TXNDC16: variants seen among roughly 807,000 people sequenced by gnomAD.
TXNDC16 encodes the protein thioredoxin domain containing 16.
In TXNDC16, 74 loss-of-function variants were observed where a neutral mutation model predicts 85.6. The ratio of observed to expected loss-of-function variants is 0.86; its 90% CI spans 0.72 to 1.05. The LOEUF (loss-of-function observed/expected upper bound fraction) is 1.05, where lower values mean the gene tolerates loss of function less well. Among genes scored for constraint, TXNDC16 ranks in the 50% least tolerant of loss-of-function variants. TXNDC16 has a pLI of 0.00. For synonymous variants in TXNDC16, 335 were observed against 326.5 expected (o/e 1.03, Z -0.28); for missense variants, 959 against 947.0 (o/e 1.01, Z -0.17).
chr14:52,513,187 C>T (rs117407835), intron 8 of TXNDC16, among the ~76,000 whole-genome samples: 4,670 of 152,218 alleles, frequency 0.031, 112 homozygotes, highest in Non-Finnish European at 0.047. Flanking sequence ...TTCAAACACA[C>T]TCAGATCCAA....
At chr14:52,519,525 C>T (rs1316478876) in intron 6 of TXNDC16, among the ~76,000 whole-genome samples, 3 of 152,178 alleles carry the variant, frequency 2.0e-5, no homozygotes, top group African/African-American at 7.2e-5. Flanking sequence ...TTATGTATTA[C>T]AACGGTCTCA....
chr14:52,538,480 G>C (rs1380075681), intron 4 of TXNDC16, among the ~76,000 whole-genome samples: 1 of 152,192 alleles, frequency 6.6e-6, no homozygotes, highest in Non-Finnish European at 1.5e-5. Context: ...AAGATAAGGA[G>C]AGTTTAAAAG....
At chr14:52,529,039 T>C (rs1442435528) in intron 6 of TXNDC16, among the ~76,000 whole-genome samples, 2 of 148,870 alleles carry the variant, frequency 1.3e-5, no homozygotes, top group Admixed American at 6.8e-5. Context: ...ATATTATCTA[T>C]ATAATACCTA....
At chr14:52,510,479 T>C (rs1489962363) in intron 9 of TXNDC16, among the ~76,000 whole-genome samples, 1 of 152,204 alleles carries the variant, frequency 6.6e-6, no homozygotes, top group East Asian at 1.9e-4. Flanking sequence ...ATATGACATG[T>C]CCACTAATCC....
chr14:52,527,509 G>A (rs965797882), intron 6 of TXNDC16, among the ~76,000 whole-genome samples: 7 of 152,094 alleles, frequency 4.6e-5, no homozygotes, highest in African/African-American at 1.7e-4. Flanking sequence ...TTCCTCTTCT[G>A]CTCTTATATT....
intron 18 of TXNDC16, among the ~76,000 whole-genome samples, chr14:52,450,902 T>C (rs1189809256): frequency 6.6e-6 from 1 of 151,046 alleles, no homozygotes; most frequent in Non-Finnish European, 1.5e-5. Flanking sequence ...CACATACATA[T>C]ATATATGTAT....
chr14:52,511,814 T>A lies in TXNDC16; in HGVS notation c.606-424A>T, dbSNP rs141277171. ...TCTAAATTTAATTTAAACCCAAAGC[T>A]GTTTTGAATAAACTTCAGCCAAAAC... is the stretch of plus-strand genomic sequence containing the variant. On this transcript the variant is annotated intron_variant, in intron 8 of 20. Transcript: ENST00000281741. Among the ~76,000 whole-genome samples, 30 of 152,296 alleles carry A rather than the reference T, an allele frequency of 2.0e-4. No homozygotes were observed. The East Asian group carries it at 5.0e-3, about 25-fold the overall frequency.
intron 18 of TXNDC16, among the ~76,000 whole-genome samples, chr14:52,446,200 C>A (rs1410082062): frequency 1.3e-5 from 2 of 152,172 alleles, no homozygotes; most frequent in Non-Finnish European, 2.9e-5. Flanking sequence ...ATCAATGATA[C>A]CCTTCTCCCA....
At chr14:52,530,218 AAT>A (rs1189462942) in intron 6 of TXNDC16, among the ~76,000 whole-genome samples, 2 of 50,842 alleles carry the variant, frequency 3.9e-5, no homozygotes, top group African/African-American at 2.4e-4. Context: ...TATACAGAAT[AAT>A]ATATAATATT....
In TXNDC16 at chr14:52,498,432, C is replaced by CACACAT. The variant is rs1555338808; in HGVS notation, c.757-7428_757-7427insATGTGT. Among the ~76,000 whole-genome samples the CACACAT allele has an allele frequency of 4.0e-4, 61 of 151,596 alleles. 2 individuals are homozygous for CACACAT. Among genetic ancestry groups the CACACAT allele is most frequent in the Middle Eastern group, 3.4e-3 (1 of 292 alleles). On this transcript the variant is annotated intron_variant, in intron 9 of 20. Coordinates refer to ENST00000281741, the MANE Select transcript of TXNDC16 (RefSeq NM_020784.3). ...ACACACACACACACACACACACACA[C>CACACAT]ACACACTCACACACACCAGAAAACC...
chr14:52,488,098 G>T (rs2036311573), intron 12 of TXNDC16, among the ~76,000 whole-genome samples: 2 of 152,200 alleles, frequency 1.3e-5, no homozygotes, highest in Admixed American at 1.3e-4. Context: ...TGAAAGAACT[G>T]ATATGGAAGA....
chr14:52,432,562 T>A lies in TXNDC16; in HGVS notation c.2220A>T (p.Lys740Asn), dbSNP rs1032041647. ...GAAAATCATAAGCTGGAAGAGGAGG[T>A]TTCCATTCTTGAGCAGGTAAAATTG... ...HITILPAQEW[K>N]PPLPAYDFLS... The change falls in exon 21 of 21, where the codon AAA becomes AAT. Residue 740 changes from lysine (K) to asparagine (N), a missense_variant. Physicochemically the swap from Lys to Asn is moderately conservative, Grantham distance 94 (BLOSUM62 0). Coordinates refer to ENST00000281741, the MANE Select transcript of TXNDC16 (RefSeq NM_020784.3). 5 of 1,610,388 alleles carry A rather than the reference T, an allele frequency of 3.1e-6. No individual in the cohort carries two copies. Among genetic ancestry groups the A allele is most frequent in the Middle Eastern group, 1.7e-4 (1 of 6,022 alleles).
intron 1 of TXNDC16, among the ~76,000 whole-genome samples, chr14:52,544,632 G>A (rs1170759120): frequency 6.6e-6 from 1 of 151,640 alleles, no homozygotes; most frequent in Non-Finnish European, 1.5e-5. Flanking sequence ...ATATTAAATT[G>A]AGTATTTACT....
At chr14:52,530,441 TATATTATTATATA>T (rs1180023522) in intron 6 of TXNDC16, among the ~76,000 whole-genome samples, 3 of 16,626 alleles carry the variant, frequency 1.8e-4, no homozygotes, top group African/African-American at 3.3e-4. Flanking sequence ...TAATATATAA[TATATTATTATATA>T]ATAATATATA....
chr14:52,441,227 C>A (rs1217063254), intron 18 of TXNDC16, among the ~76,000 whole-genome samples: 6 of 152,046 alleles, frequency 3.9e-5, no homozygotes. Flanking sequence ...AATCCAAACA[C>A]CAATCTTGTT....
chr14:52,549,469 G>A (rs530483849), intron 1 of TXNDC16, among the ~76,000 whole-genome samples: 1 of 152,276 alleles, frequency 6.6e-6, no homozygotes, highest in Admixed American at 6.5e-5. Context: ...CAAGGAGGAA[G>A]TACTTCAAGA....
At chr14:52,545,798 T>C (rs2037929290) in intron 1 of TXNDC16, among the ~76,000 whole-genome samples, 1 of 152,134 alleles carries the variant, frequency 6.6e-6, no homozygotes, top group African/African-American at 2.4e-5. Context: ...AGAGTGGACA[T>C]TTCACATGCA....
intron 7 of TXNDC16, among the ~76,000 whole-genome samples, chr14:52,517,580 G>A (rs2037113992): frequency 2.0e-5 from 3 of 151,892 alleles, no homozygotes; most frequent in African/African-American, 4.8e-5. Flanking sequence ...ATGGATGTCC[G>A]CATTTTCTCA....
Position 52,482,973 on chromosome 14 carries a change from G to A in TXNDC16, c.1109-8C>T, listed in dbSNP as rs2036184487. The A allele has an allele frequency of 6.3e-7, 1 of 1,592,414 alleles. No individual in the cohort carries two copies. Among genetic ancestry groups the A allele is most frequent in the Admixed American group, 1.8e-5 (1 of 56,104 alleles). ...CTTCATCATCCTGAACATCTAAAAT[G>A]TTGGAAAAGAAATTAATTTAAATAT... On this transcript the variant is annotated splice_polypyrimidine_tract_variant and splice_region_variant and intron_variant, in intron 12 of 20. Coordinates refer to ENST00000281741, the MANE Select transcript of TXNDC16 (RefSeq NM_020784.3).
Sources: allele counts gnomAD v4.1 joint callset (sites outside exome capture counted in the v4.1 genomes callset), GRCh38; gene constraint gnomAD v4.1.1; transcripts MANE v1.5; gene names NCBI Gene and HGNC (gene_info 2026-07-23, HGNC 2026-07-21).